Variants in PDZRN4 observed in about 807,000 individuals in gnomAD.
PDZRN4 encodes the protein PDZ domain-containing RING finger protein 4.
A neutral mutation model predicts 99.0 loss-of-function variants in PDZRN4; 70 were observed. That is an observed-to-expected ratio of 0.71 (90% CI 0.58 to 0.86). The LOEUF (loss-of-function observed/expected upper bound fraction) is 0.86. Ranked by LOEUF, PDZRN4 falls within the 40% of genes least tolerant of loss-of-function variation. The probability of loss-of-function intolerance (pLI) is 0.00; values close to 1 mark genes in which losing one functional copy is unlikely to be tolerated. For synonymous variants in PDZRN4, 551 were observed against 501.6 expected (o/e 1.10, Z -1.32); for missense variants, 1,474 against 1,331.2 (o/e 1.11, Z -1.67).
intron 3 of PDZRN4, among the ~76,000 whole-genome samples, chr12:41,354,800 A>T (rs1346188329): frequency 6.6e-6 from 1 of 152,110 alleles, no homozygotes; most frequent in African/African-American, 2.4e-5. Flanking sequence ...GGTATGGCTC[A>T]TACAGGACAC....
At chr12:41,190,511 A>G (rs1950729538) in intron 1 of PDZRN4, among the ~76,000 whole-genome samples, 1 of 152,220 alleles carries the variant, frequency 6.6e-6, no homozygotes, top group Admixed American at 6.5e-5. Flanking sequence ...AAGTCAAGCT[A>G]TGATTCTGAG....
At chr12:41,530,157 T>C (rs1282468024) in intron 5 of PDZRN4, among the ~76,000 whole-genome samples, 1 of 152,236 alleles carries the variant, frequency 6.6e-6, no homozygotes, top group East Asian at 1.9e-4. Flanking sequence ...AACTTGCCTT[T>C]GAACAAAGAT....
intron 3 of PDZRN4, among the ~76,000 whole-genome samples, chr12:41,354,485 A>T (rs1402058552): frequency 1.3e-5 from 2 of 151,928 alleles, no homozygotes; most frequent in Admixed American, 1.3e-4. Context: ...TTTTTTGGAA[A>T]GTGAAAAAAA....
chr12:41,291,983 A>G lies in PDZRN4; in HGVS notation c.843+97795A>G, dbSNP rs975526097. 5.3e-5 allele frequency among the ~76,000 whole-genome samples: 8 copies of G among 152,164 alleles called. 1 individual carries two copies. On this transcript the variant is annotated intron_variant, in intron 3 of 9. Coordinates refer to ENST00000402685, the MANE Select transcript of PDZRN4 (RefSeq NM_001164595.2). ...TAACTGGAAATATACTAGCATTGGG[A>G]AAACAGGCTAAAGGATCTGCATCCA...
rs1952070336 is a variant in PDZRN4 at position 41,375,204 on chromosome 12, C to CT, written c.844-131251dup. Among the ~76,000 whole-genome samples, 12 of 152,176 alleles carry CT rather than the reference C, an allele frequency of 7.9e-5. 1 individual carries two copies. Among genetic ancestry groups the CT allele is most frequent in the Admixed American group, 7.9e-4 (12 of 15,276 alleles). ...AAACCCTCAATTCAGAACCACCCAG[C>CT]TAAGCTGTTCTCAGACCCCTTACTC... On this transcript the variant is annotated intron_variant, in intron 3 of 9. Coordinates refer to ENST00000402685, the MANE Select transcript of PDZRN4 (RefSeq NM_001164595.2).
chr12:41,191,423 T>C (rs367937401), intron 1 of PDZRN4, 35 bp from the exon 2 acceptor site: 3 of 1,011,542 alleles, frequency 3.0e-6, no homozygotes, highest in Admixed American at 1.8e-5. Context: ...TTTATATTTT[T>C]ACCTGGTTAA....
chr12:41,193,489 GA>G (rs1950750330), intron 2 of PDZRN4, among the ~76,000 whole-genome samples: 1 of 152,128 alleles, frequency 6.6e-6, no homozygotes, highest in African/African-American at 2.4e-5. Context: ...ACTGCACCTG[GA>G]AATATGTAAC....
At chr12:41,253,291 T>C (rs1951183262) in intron 3 of PDZRN4, among the ~76,000 whole-genome samples, 1 of 152,212 alleles carries the variant, frequency 6.6e-6, no homozygotes, top group African/African-American at 2.4e-5. Flanking sequence ...TTCTAGTAGT[T>C]TCATAGTTTC....
chr12:41,365,206 G>GA (rs1565563163), intron 3 of PDZRN4, among the ~76,000 whole-genome samples: 1 of 151,974 alleles, frequency 6.6e-6, no homozygotes, highest in African/African-American at 2.4e-5. Flanking sequence ...GCTAAGAAGA[G>GA]AAAAAATGCT....
At chr12:41,525,731 T>G (rs1411359175) in intron 5 of PDZRN4, among the ~76,000 whole-genome samples, 1 of 152,102 alleles carries the variant, frequency 6.6e-6, no homozygotes, top group Non-Finnish European at 1.5e-5. Context: ...ACTCCATACC[T>G]TGTGGATGAT....
At chr12:41,508,551 C>A (rs2710263) in intron 4 of PDZRN4, among the ~76,000 whole-genome samples, 44,416 of 152,048 alleles carry the variant, frequency 0.29, 6,906 homozygotes, top group African/African-American at 0.39. Flanking sequence ...TCCCTTCTTA[C>A]TATCCGAAAG....
chr12:41,377,449 G>A (rs922325773), intron 3 of PDZRN4, among the ~76,000 whole-genome samples: 5 of 152,144 alleles, frequency 3.3e-5, no homozygotes, highest in Non-Finnish European at 7.3e-5. Flanking sequence ...CGGATCACAA[G>A]GTCAGGAGAT....
At chr12:41,286,077 A>T (rs1417407464) in intron 3 of PDZRN4, among the ~76,000 whole-genome samples, 7 of 152,168 alleles carry the variant, frequency 4.6e-5, no homozygotes, top group Non-Finnish European at 1.0e-4. Flanking sequence ...TGATTGCTTG[A>T]TGAATTGGGA....
intron 5 of PDZRN4, among the ~76,000 whole-genome samples, chr12:41,522,315 G>C: frequency 6.6e-6 from 1 of 152,084 alleles, no homozygotes; most frequent in East Asian, 1.9e-4. Flanking sequence ...ACTTCTCTTT[G>C]TCTCACTCAG....
chr12:41,286,997 C>T (rs1951426632), intron 3 of PDZRN4, among the ~76,000 whole-genome samples: 1 of 152,012 alleles, frequency 6.6e-6, no homozygotes, highest in African/African-American at 2.4e-5. Flanking sequence ...GACATAAAAA[C>T]ACATCAAGGT....
At chr12:41,227,042 A>C (rs1321235822) in intron 3 of PDZRN4, among the ~76,000 whole-genome samples, 1 of 152,176 alleles carries the variant, frequency 6.6e-6, no homozygotes, top group African/African-American at 2.4e-5. Context: ...ACTTTTCCCT[A>C]TCCAAATTGG....
intron 3 of PDZRN4, among the ~76,000 whole-genome samples, chr12:41,290,271 T>A (rs1341146738): frequency 6.6e-6 from 1 of 152,216 alleles, no homozygotes; most frequent in African/African-American, 2.4e-5. Flanking sequence ...ATATCAAATA[T>A]GTTTAATAGG....
chr12:41,461,657 A>G (rs1165681633), intron 3 of PDZRN4, among the ~76,000 whole-genome samples: 1 of 152,174 alleles, frequency 6.6e-6, no homozygotes, highest in Admixed American at 6.5e-5. Context: ...ATCAAGATTG[A>G]TATGATTCTT....
intron 3 of PDZRN4, among the ~76,000 whole-genome samples, chr12:41,397,577 GC>G (rs2121133528): frequency 6.6e-6 from 1 of 151,702 alleles, no homozygotes; most frequent in East Asian, 1.9e-4. Flanking sequence ...GGCAAGCTGG[GC>G]AAAAAAATGC....
Sources: allele counts gnomAD v4.1 joint callset (sites outside exome capture counted in the v4.1 genomes callset), GRCh38; gene constraint gnomAD v4.1.1; transcripts MANE v1.5; gene names NCBI Gene and HGNC (gene_info 2026-07-23, HGNC 2026-07-21).